Variants in SIN3A observed in about 807,000 individuals in gnomAD.
SIN3A encodes SIN3 transcription regulator family member A, also known as paired amphipathic helix protein Sin3a.
In SIN3A, 14 loss-of-function variants were observed where a neutral mutation model predicts 146.1. The observed-to-expected ratio is 0.10, with a 90% CI of 0.06 to 0.15. The LOEUF (loss-of-function observed/expected upper bound fraction) is 0.15. Ranked by LOEUF, SIN3A falls within the 10% of genes least tolerant of loss-of-function variation. SIN3A has a pLI of 1.00. For synonymous variants in SIN3A, 572 were observed against 572.0 expected, an observed-to-expected ratio of 1.00 and a Z score of 0.00; for missense variants, 1,028 against 1,576.0, an observed-to-expected ratio of 0.65 and a Z score of 5.89.
At position 75,371,555 on chromosome 15, in the gene SIN3A, C is replaced by T. The variant is rs991237570; in HGVS notation, c.*424G>A. 9.8e-5 allele frequency: 16 copies of T among 164,076 alleles called. No individual in the cohort carries two copies. Among genetic ancestry groups the T allele is most frequent in the Non-Finnish European group, 1.7e-4 (13 of 76,042 alleles). 10.2% of individuals were successfully genotyped at this position (164,076 alleles called of 1,614,324 possible). On this transcript the variant is annotated 3_prime_UTR_variant, in exon 21 of 21. Transcript: ENST00000394947. ...GAGCAGTGACCATGATAGTTCCAAT[C>T]CATCTGAGTATTAAGTCCTTCTCCA...
At chr15:75,392,111 G>T in intron 15 of SIN3A, 131 bp downstream of exon 15, 1 of 828,146 alleles carries the variant, frequency 1.2e-6, no homozygotes, top group Non-Finnish European at 1.9e-6. Flanking sequence ...CAGATAAACA[G>T]GTTCAGAGAG....
intron 16 of SIN3A, among the ~76,000 whole-genome samples, chr15:75,386,425 C>T (rs1181360295): frequency 6.6e-6 from 1 of 152,226 alleles, no homozygotes; most frequent in African/African-American, 2.4e-5. Context: ...AAAGACAGCA[C>T]TACAAATCCA....
chr15:75,423,657 G>A (rs776061579), intron 2 of SIN3A, among the ~76,000 whole-genome samples: 16 of 151,860 alleles, frequency 1.1e-4, no homozygotes, highest in East Asian at 1.9e-4. Flanking sequence ...CAGCCTGCAC[G>A]ACAAAGCAAG....
Position 75,430,386 on chromosome 15 carries a change from T to C in SIN3A, c.-11A>G. On this transcript the variant is annotated 5_prime_UTR_variant, in exon 2 of 21. An upstream start codon of the reference 5' UTR is lost. Coordinates refer to ENST00000394947, the MANE Select transcript of SIN3A (RefSeq NM_001145358.2). ...CAAACGCCGCTTCATTCTGTGCTCA[T>C]GCTCAGGGATGCACTACAAAACCTG... is the stretch of plus-strand genomic sequence containing the variant. 6.3e-7 allele frequency: 1 copy of C among 1,598,218 alleles called. No individual in the cohort carries two copies. Among genetic ancestry groups the C allele is most frequent in the Non-Finnish European group, 8.5e-7 (1 of 1,172,384 alleles).
At chr15:75,392,954 G>C in intron 14 of SIN3A, 139 bp from the exon 15 acceptor site, 1 of 670,860 alleles carries the variant, frequency 1.5e-6, no homozygotes, top group South Asian at 2.0e-5. Flanking sequence ...CCTGGGACTG[G>C]GAGCGGTGGC....
In SIN3A at chr15:75,422,482, A is replaced by C. The variant is rs1595915065; in HGVS notation, c.366+165T>G. 2.1e-5 allele frequency: 16 copies of C among 760,014 alleles called. No individual in the cohort carries two copies. In the East Asian group the frequency reaches 4.2e-4, roughly 20 times the overall value. The allele number at this position is 760,014 out of a possible 1,614,324, so 47.1% of individuals were successfully genotyped here. A position where few individuals can be genotyped will look rare whatever the true frequency, so the allele number is the denominator to read the frequency against. ...CTTCTCTGGATCAGGCACTGATGCC[A>C]AGATAGGAAACATAAGCAAATTTCA... is the stretch of plus-strand genomic sequence containing the variant. On this transcript the variant is annotated intron_variant, in intron 3 of 20. Transcript: ENST00000394947.
At chr15:75,452,377 C>A (rs967461736), upstream of SIN3A, among the ~76,000 whole-genome samples, 1 of 152,162 alleles carries the variant, frequency 6.6e-6, no homozygotes, top group Non-Finnish European at 1.5e-5. Context: ...AGCTCATCAG[C>A]GGAGACTCCA....
intron 4 of SIN3A, 71 bp from the exon 5 acceptor site, chr15:75,413,116 G>A: frequency 2.1e-6 from 3 of 1,432,364 alleles, no homozygotes; most frequent in Admixed American, 2.4e-5. Context: ...AAAATTTCAT[G>A]TTTTTTTTTC....
At chr15:75,445,759 GAAAAA>G (rs774883850) in intron 1 of SIN3A, among the ~76,000 whole-genome samples, 7 of 86,422 alleles carry the variant, frequency 8.1e-5, no homozygotes, top group South Asian at 7.5e-4. Flanking sequence ...TCAAAAAAAA[GAAAAA>G]AAAAAAAAAA....
intron 14 of SIN3A, among the ~76,000 whole-genome samples, chr15:75,393,429 T>C (rs2073246515): frequency 6.6e-6 from 1 of 152,042 alleles, no homozygotes; most frequent in Non-Finnish European, 1.5e-5. Flanking sequence ...CAGGCTGGAG[T>C]GCAGTGGAGC....
intron 1 of SIN3A, among the ~76,000 whole-genome samples, chr15:75,444,585 C>T (rs2074271783): frequency 6.6e-6 from 1 of 151,636 alleles, no homozygotes; most frequent in African/African-American, 2.4e-5. Flanking sequence ...AAATTGAGTC[C>T]AGACCAGGTG....
intron 1 of SIN3A, among the ~76,000 whole-genome samples, chr15:75,450,233 T>C (rs952507342): frequency 6.6e-6 from 1 of 151,096 alleles, no homozygotes; most frequent in African/African-American, 2.4e-5. Flanking sequence ...GAGATTAAAA[T>C]GTAAATCCAA....
rs1385421395 is a variant in SIN3A at position 75,409,816 on chromosome 15, C to G, written c.1317+20G>C. On this transcript the variant is annotated intron_variant, in intron 8 of 20. Coordinates refer to ENST00000394947, the MANE Select transcript of SIN3A (RefSeq NM_001145358.2). The stretch of plus-strand genomic sequence containing the variant: ...AAATACTTGTGAGTGTCAAAATGAG[C>G]AGCTGCTGCCCATTCTCACCTTAAC... 6.2e-7 allele frequency: 1 copy of G among 1,608,528 alleles called. No individual in the cohort carries two copies. Among genetic ancestry groups the G allele is most frequent in the South Asian group, 1.1e-5 (1 of 90,836 alleles).
At chr15:75,411,858 GC>G in intron 5 of SIN3A, 115 bp from the exon 6 acceptor site, 1 of 1,157,916 alleles carries the variant, frequency 8.6e-7, no homozygotes, top group Non-Finnish European at 1.2e-6. Context: ...ACTCACTCAG[GC>G]CAGGTCATTT....
At chr15:75,380,459 C>T (rs1417305060) in intron 19 of SIN3A, among the ~76,000 whole-genome samples, 170 bp downstream of exon 19, 1 of 152,192 alleles carries the variant, frequency 6.6e-6, no homozygotes, top group Non-Finnish European at 1.5e-5. Flanking sequence ...TTGACACATG[C>T]TCCAGGTAAG....
At chr15:75,423,217 G>A (rs2141542875) in intron 2 of SIN3A, among the ~76,000 whole-genome samples, 1 of 152,234 alleles carries the variant, frequency 6.6e-6, no homozygotes, top group East Asian at 1.9e-4. Flanking sequence ...GTTCAAGGCT[G>A]CAGTGAGCTG....
intron 10 of SIN3A, among the ~76,000 whole-genome samples, chr15:75,401,293 C>T (rs1490472348): frequency 6.6e-6 from 1 of 151,974 alleles, no homozygotes; most frequent in Non-Finnish European, 1.5e-5. Context: ...TTTGGGAGGC[C>T]GAGGCAGGTG....
At chr15:75,417,021 G>A (rs1240571512) in intron 3 of SIN3A, among the ~76,000 whole-genome samples, 1 of 150,390 alleles carries the variant, frequency 6.6e-6, no homozygotes, top group African/African-American at 2.4e-5. Flanking sequence ...GACTTCACTG[G>A]GTTTTATAGT....
intron 1 of SIN3A, among the ~76,000 whole-genome samples, chr15:75,439,233 T>G: frequency 6.6e-6 from 1 of 152,110 alleles, no homozygotes; most frequent in East Asian, 1.9e-4. Flanking sequence ...TTGTCAAACA[T>G]CCTACAATGC....
Sources: allele counts gnomAD v4.1 joint callset (sites outside exome capture counted in the v4.1 genomes callset), GRCh38; gene constraint gnomAD v4.1.1; transcripts MANE v1.5; gene names NCBI Gene and HGNC (gene_info 2026-07-23, HGNC 2026-07-21).